Variants in SEC24B observed in about 807,000 individuals in gnomAD.
SEC24B encodes SEC24 homolog B, COPII component, also known as protein transport protein Sec24B.
In SEC24B, 45 loss-of-function variants were observed where a neutral mutation model predicts 142.8. The ratio of observed to expected loss-of-function variants is 0.32; its 90% CI spans 0.25 to 0.40. SEC24B has a LOEUF of 0.40. Ranked by LOEUF, SEC24B falls within the 10% of genes least tolerant of loss-of-function variation. The pLI, the probability that SEC24B is intolerant of heterozygous loss-of-function variation, is 1.00. For synonymous variants in SEC24B, 574 were observed against 568.2 expected, an observed-to-expected ratio of 1.01 and a Z score of -0.15; for missense variants, 1,409 against 1,526.8, an observed-to-expected ratio of 0.92 and a Z score of 1.29.
chr4:109,524,824 C>A lies in SEC24B; in HGVS notation c.2515C>A (p.Gln839Lys). The change falls in exon 15 of 24, where the codon CAA becomes AAA. Residue 839 changes from glutamine (Q) to lysine (K), a missense_variant. Around this residue, in one of 2 missense-constraint regions of SEC24B, gnomAD observed 700 missense variants for 853.3 expected, o/e 0.82. Transcript: ENST00000265175. Reference protein sequence around the residue: ...PNQRSSTKVVQHLGPATDFYK... With the variant: ...PNQRSSTKVVKHLGPATDFYK... ...ATATGATCTGTTGACTTAGGTGGTACAACATCTTGGCCCTGCAACTGATTT... is the reference window on the plus strand; with the variant it reads ...ATATGATCTGTTGACTTAGGTGGTAAAACATCTTGGCCCTGCAACTGATTT... The A allele has an allele frequency of 1.2e-6, 2 of 1,610,966 alleles. No individual in the cohort carries two copies. The highest frequency in any genetic ancestry group is 1.7e-6 in the Non-Finnish European group (2 of 1,178,526).
rs190992497 is a variant in SEC24B, at chr4:109,478,687, A to G, written c.1061-2990A>G. 1.6e-3 allele frequency among the ~76,000 whole-genome samples: 251 copies of G among 152,276 alleles called. 1 individual carries two copies. Among genetic ancestry groups the G allele is most frequent in the Non-Finnish European group, 2.5e-3 (172 of 68,018 alleles). ...GCTCCTTCTCTGTTCAGTATTTCCT[A>G]CTGTGTACTGTATAATAAGAGACTG... On this transcript the variant is annotated intron_variant, in intron 3 of 23. Transcript: ENST00000265175.
At chr4:109,496,614 G>C (rs1012262992) in intron 6 of SEC24B, among the ~76,000 whole-genome samples, 4 of 152,188 alleles carry the variant, frequency 2.6e-5, no homozygotes, top group Non-Finnish European at 5.9e-5. Flanking sequence ...TTTGAATCTT[G>C]CCTGGGTGAC....
At chr4:109,474,062 G>A (rs2125964022) in intron 3 of SEC24B, among the ~76,000 whole-genome samples, 1 of 152,312 alleles carries the variant, frequency 6.6e-6, no homozygotes, top group Non-Finnish European at 1.5e-5. Flanking sequence ...TATCTGTTGA[G>A]TGTCTATGTG....
intron 18 of SEC24B, among the ~76,000 whole-genome samples, chr4:109,528,871 G>A (rs756222920): frequency 6.6e-5 from 10 of 152,114 alleles, no homozygotes; most frequent in African/African-American, 1.2e-4. Flanking sequence ...AATAACAGAA[G>A]CATTTAATCA....
chr4:109,532,531 C>T (rs1725038961), intron 20 of SEC24B, 108 bp from the exon 21 acceptor site: 1 of 767,014 alleles, frequency 1.3e-6, no homozygotes, highest in Non-Finnish European at 2.2e-6. Context: ...TCATGCAAAA[C>T]TCCCAAGTGT....
At chr4:109,469,821 C>G (rs1029656392) in intron 2 of SEC24B, among the ~76,000 whole-genome samples, 1 of 152,030 alleles carries the variant, frequency 6.6e-6, no homozygotes, top group Non-Finnish European at 1.5e-5. Flanking sequence ...TAAAACTTTT[C>G]CTTATTGAAA....
At chr4:109,537,903 TATTTA>T (rs1461270043) in intron 22 of SEC24B, among the ~76,000 whole-genome samples, 1 of 152,238 alleles carries the variant, frequency 6.6e-6, no homozygotes, top group Non-Finnish European at 1.5e-5. Flanking sequence ...GTTAATTTGC[TATTTA>T]ATTTACAGTT....
intron 3 of SEC24B, among the ~76,000 whole-genome samples, chr4:109,475,716 G>A (rs1165543929): frequency 3.3e-5 from 5 of 151,984 alleles, no homozygotes; most frequent in South Asian, 2.1e-4. Flanking sequence ...ACCTACCATC[G>A]TCCTTTTGCA....
chr4:109,499,002 A>G (rs940247213), intron 6 of SEC24B, among the ~76,000 whole-genome samples: 1 of 152,232 alleles, frequency 6.6e-6, no homozygotes, highest in African/African-American at 2.4e-5. Context: ...GATACTATAT[A>G]GCTTTTAAAA....
chr4:109,526,189 T>G (rs373950177), intron 16 of SEC24B, 37 bp from the exon 17 acceptor site: 6 of 1,592,898 alleles, frequency 3.8e-6, no homozygotes, highest in Non-Finnish European at 5.2e-6. Flanking sequence ...GAAGATACTA[T>G]TGTTAACTTG....
At chr4:109,457,352 C>CT (rs1730790210) in intron 1 of SEC24B, among the ~76,000 whole-genome samples, 1 of 152,174 alleles carries the variant, frequency 6.6e-6, no homozygotes, top group African/African-American at 2.4e-5. Context: ...ATGCCTGAGA[C>CT]TGTCTAGTTT....
At chr4:109,472,784 T>C (rs945688738) in intron 2 of SEC24B, among the ~76,000 whole-genome samples, 3 of 151,676 alleles carry the variant, frequency 2.0e-5, no homozygotes, top group African/African-American at 7.3e-5. Context: ...TTTTTCAGTT[T>C]TTAAAAAATC....
At position 109,459,328 on chromosome 4, in the gene SEC24B, C is replaced by T. The variant is rs116037711; in HGVS notation, c.134-3573C>T. Among the ~76,000 whole-genome samples the T allele has an allele frequency of 6.5e-3, 994 of 152,276 alleles. 12 individuals carry two copies. Among genetic ancestry groups the T allele is most frequent in the African/African-American group, 0.023 (944 of 41,562 alleles). The stretch of plus-strand genomic sequence containing the variant: ...TCCAGTGTGGTGGCCACTAGCTGTA[C>T]ATGGCTGTTGAGTACTTGACATATG... On this transcript the variant is annotated intron_variant, in intron 1 of 23. Coordinates refer to ENST00000265175, the MANE Select transcript of SEC24B (RefSeq NM_006323.5).
At position 109,462,965 on chromosome 4, in the gene SEC24B, T is replaced by C. The variant is rs774402468; in HGVS notation, c.198T>C (p.Ala66=). The C allele has an allele frequency of 1.9e-6, 3 of 1,613,742 alleles. No homozygotes were observed. The South Asian group carries it at 3.3e-5, about 18-fold the overall frequency. The change falls in exon 2 of 24, where the codon GCT becomes GCC. Residue 66 remains alanine (A), a synonymous_variant. Coordinates refer to ENST00000265175, the MANE Select transcript of SEC24B (RefSeq NM_006323.5). ...GATTGCATCATCAAAACTATATTGC[T>C]CCCTCAGGACATTACTCTCAAGGAC... The part of the protein sequence containing the change: ...GYGLHHQNYI[A]PSGHYSQGPG...
chr4:109,450,078 T>C (rs548383498), intron 1 of SEC24B, among the ~76,000 whole-genome samples: 5 of 152,086 alleles, frequency 3.3e-5, no homozygotes, highest in African/African-American at 1.2e-4. Flanking sequence ...CAGGGTGTGG[T>C]TGCACTCACC....
At chr4:109,442,366 A>G (rs943617708) in intron 1 of SEC24B, among the ~76,000 whole-genome samples, 3 of 152,204 alleles carry the variant, frequency 2.0e-5, no homozygotes, top group Non-Finnish European at 4.4e-5. Flanking sequence ...CAACTGATTC[A>G]GAGCTATTTT....
intron 1 of SEC24B, among the ~76,000 whole-genome samples, chr4:109,444,362 C>CTG (rs1279404487): frequency 6.6e-6 from 1 of 151,628 alleles, no homozygotes; most frequent in Non-Finnish European, 1.5e-5. Context: ...AAAAAGTACT[C>CTG]TGGTGGTGTT....
intron 9 of SEC24B, among the ~76,000 whole-genome samples, chr4:109,512,356 C>T (rs1737431733): frequency 6.6e-6 from 1 of 152,180 alleles, no homozygotes; most frequent in Non-Finnish European, 1.5e-5. Context: ...ACTAGTTATG[C>T]TTGTCCCTGA....
chr4:109,486,834 A>G (rs540013086), intron 4 of SEC24B, among the ~76,000 whole-genome samples: 13 of 152,316 alleles, frequency 8.5e-5, no homozygotes, highest in African/African-American at 2.9e-4. Flanking sequence ...TACGTATAAT[A>G]TGATAGGGAA....
Sources: allele counts gnomAD v4.1 joint callset (sites outside exome capture counted in the v4.1 genomes callset), GRCh38; gene constraint gnomAD v4.1.1; regional missense constraint gnomAD v4.1.1; transcripts MANE v1.5; gene names NCBI Gene and HGNC (gene_info 2026-07-23, HGNC 2026-07-21).